FRYL: variants seen among roughly 807,000 people sequenced by gnomAD.
FRYL encodes the protein protein furry homolog-like.
In FRYL, 150 loss-of-function variants were observed where a neutral mutation model predicts 351.2. The observed-to-expected ratio is 0.43, with a 90% CI of 0.37 to 0.49. The LOEUF (loss-of-function observed/expected upper bound fraction) is 0.49. Among genes scored for constraint, FRYL ranks in the 20% least tolerant of loss-of-function variants. The pLI is 0.00. For synonymous variants in FRYL, 1,153 were observed against 1,257.1 expected, an observed-to-expected ratio of 0.92 and a Z score of 1.75; for missense variants, 3,036 against 3,619.3, an observed-to-expected ratio of 0.84 and a Z score of 4.13.
intron 1 of FRYL, among the ~76,000 whole-genome samples, chr4:48,751,065 AAAAG>A (rs1773207326): frequency 6.6e-6 from 1 of 152,186 alleles, no homozygotes; most frequent in Non-Finnish European, 1.5e-5. Context: ...TAAAATTAGC[AAAAG>A]AAAGAGAAGA....
intron 3 of FRYL, among the ~76,000 whole-genome samples, chr4:48,671,926 C>A (rs1430495790): frequency 6.9e-6 from 1 of 144,658 alleles, no homozygotes; most frequent in Non-Finnish European, 1.5e-5. Context: ...CTGTTTCAAG[C>A]CCCATTAACT....
intron 4 of FRYL, among the ~76,000 whole-genome samples, chr4:48,633,980 T>C (rs1158461925): frequency 1.3e-5 from 2 of 152,232 alleles, no homozygotes; most frequent in Non-Finnish European, 2.9e-5. Context: ...ACAATATACA[T>C]GTAAAATATG....
intron 13 of FRYL, among the ~76,000 whole-genome samples, chr4:48,598,463 A>G (rs1745059147): frequency 6.6e-6 from 1 of 152,178 alleles, no homozygotes. Flanking sequence ...AACAGCAACA[A>G]CAACAACAAA....
intron 3 of FRYL, among the ~76,000 whole-genome samples, chr4:48,648,441 CACCT>C (rs941159725): frequency 6.6e-6 from 1 of 152,176 alleles, no homozygotes; most frequent in African/African-American, 2.4e-5. Flanking sequence ...TCTGCCCACC[CACCT>C]ATCTCCCAAA....
Position 48,567,055 on chromosome 4 carries a change from G to A in FRYL, c.3169+193C>T, listed in dbSNP as rs150005997. Among the ~76,000 whole-genome samples the A allele has an allele frequency of 4.3e-3, 655 of 152,168 alleles. 7 individuals carry two copies. The highest frequency in any genetic ancestry group is 0.014 in the African/African-American group (590 of 41,514). ...GATTATTACTGAAATTCTATGCTGG[G>A]TTGCTTTTTTATTTCTAATCAGTGA... On this transcript the variant is annotated intron_variant, in intron 28 of 63. Transcript: ENST00000358350. The surrounding 1 kb of genome is among the most constrained non-coding windows in gnomAD (Gnocchi z 4.2).
At chr4:48,512,380 C>T (rs1482957024) in intron 57 of FRYL, 101 bp downstream of exon 57, 2 of 944,802 alleles carry the variant, frequency 2.1e-6, no homozygotes, top group South Asian at 1.7e-5. Context: ...TTTGTTAAAA[C>T]TGGTAGGAAT....
At chr4:48,750,723 A>G (rs898320230) in intron 1 of FRYL, among the ~76,000 whole-genome samples, 16 of 152,212 alleles carry the variant, frequency 1.1e-4, no homozygotes, top group African/African-American at 3.9e-4. Context: ...TAGAAAGATG[A>G]AACAAAAAAT....
chr4:48,517,680 CAG>C (rs1396590619), intron 55 of FRYL, among the ~76,000 whole-genome samples: 3 of 152,168 alleles, frequency 2.0e-5, no homozygotes, highest in Admixed American at 6.5e-5. Context: ...CTCTTGAGAT[CAG>C]AGTGTAACGT....
intron 31 of FRYL, among the ~76,000 whole-genome samples, chr4:48,563,464 C>T (rs1160279049): frequency 6.6e-6 from 1 of 152,006 alleles, no homozygotes. Context: ...TGCCTGAAAT[C>T]CCAGCACTTT....
At chr4:48,531,808 A>G (rs1317098187) in intron 49 of FRYL, among the ~76,000 whole-genome samples, 1 of 152,216 alleles carries the variant, frequency 6.6e-6, no homozygotes, top group East Asian at 1.9e-4. Context: ...ATATTAAAAT[A>G]CTAAAATACA....
Position 48,515,024 on chromosome 4 carries a change from T to C in FRYL, c.7937+4A>G, listed in dbSNP as rs746723747. ...CTACAGTGTTTATGATACTGTATTC[T>C]CACCTAGACAGTCCGGAGAAATCCG... On this transcript the variant is annotated splice_donor_region_variant and intron_variant, in intron 56 of 63. Transcript: ENST00000358350. 6.2e-7 allele frequency: 1 copy of C among 1,610,832 alleles called. No homozygotes were observed. The highest frequency in any genetic ancestry group is 8.5e-7 in the Non-Finnish European group (1 of 1,178,382).
At chr4:48,542,461 G>C (rs1730414972) in intron 44 of FRYL, among the ~76,000 whole-genome samples, 1 of 152,188 alleles carries the variant, frequency 6.6e-6, no homozygotes, top group African/African-American at 2.4e-5. Context: ...CTATTGCCCA[G>C]GCTGGAGTGC....
At chr4:48,711,000 T>G (rs1283380040) in intron 1 of FRYL, among the ~76,000 whole-genome samples, 1 of 152,216 alleles carries the variant, frequency 6.6e-6, no homozygotes, top group African/African-American at 2.4e-5. Flanking sequence ...AATGGAATAT[T>G]ACCTTGCCAT....
At chr4:48,751,759 T>C (rs753359067) in intron 1 of FRYL, among the ~76,000 whole-genome samples, 1 of 152,000 alleles carries the variant, frequency 6.6e-6, no homozygotes, top group Non-Finnish European at 1.5e-5. Flanking sequence ...ATAAAAGACA[T>C]ACAACAGAAA....
intron 1 of FRYL, among the ~76,000 whole-genome samples, chr4:48,728,309 C>A: frequency 6.6e-6 from 1 of 151,240 alleles, no homozygotes. Context: ...CAATAATAAC[C>A]TCAAAAACTG....
At chr4:48,648,424 T>C (rs888322499) in intron 3 of FRYL, among the ~76,000 whole-genome samples, 1 of 152,214 alleles carries the variant, frequency 6.6e-6, no homozygotes, top group Non-Finnish European at 1.5e-5. Flanking sequence ...TAGCACTTGA[T>C]ATCCCTTCTG....
intron 4 of FRYL, among the ~76,000 whole-genome samples, chr4:48,630,635 A>G (rs1394288820): frequency 6.6e-6 from 1 of 152,208 alleles, no homozygotes; most frequent in African/African-American, 2.4e-5. Context: ...TCAATCACCA[A>G]TTGCCCTTCT....
intron 1 of FRYL, among the ~76,000 whole-genome samples, chr4:48,754,213 A>T (rs1578930711): frequency 6.6e-6 from 1 of 152,170 alleles, no homozygotes; most frequent in African/African-American, 2.4e-5. Flanking sequence ...CCACACCACA[A>T]ATTTGTGTCT....
chr4:48,535,634 GA>G, intron 48 of FRYL, 22 bp downstream of exon 48: 1 of 1,458,252 alleles, frequency 6.9e-7, no homozygotes, highest in Non-Finnish European at 9.3e-7. Context: ...TAGTAAATAA[GA>G]AAATATTTTT....
Sources: allele counts gnomAD v4.1 joint callset (sites outside exome capture counted in the v4.1 genomes callset), GRCh38; gene constraint gnomAD v4.1.1; non-coding constraint Gnocchi (gnomAD v3.1); transcripts MANE v1.5; gene names NCBI Gene and HGNC (gene_info 2026-07-23, HGNC 2026-07-21).